The following PINX1 variants were observed in gnomAD, a reference collection of about 807,000 sequenced individuals.
PINX1 encodes the protein PIN2/TERF1-interacting telomerase inhibitor 1.
Under a neutral mutation model 25.4 loss-of-function variants are expected in PINX1, and 34 were observed. The observed-to-expected ratio is 1.34, with a 90% confidence interval of 1.02 to 1.78. PINX1 has a LOEUF of 1.78. Ranked by LOEUF, PINX1 falls within the 40% of genes most tolerant of loss-of-function variation. The pLI, the probability that PINX1 is intolerant of heterozygous loss-of-function variation, is 0.00. For synonymous variants in PINX1, 197 were observed against 147.7 expected (o/e 1.33, Z -2.42); for missense variants, 592 against 404.9 (o/e 1.46, Z -3.97).
At chr8:10,766,963 T>C (rs1193327968) in intron 6 of PINX1, among the ~76,000 whole-genome samples, 1 of 152,112 alleles carries the variant, frequency 6.6e-6, no homozygotes, top group Non-Finnish European at 1.5e-5. Flanking sequence ...AGGAATATGC[T>C]CGGAGTCAAA....
intron 6 of PINX1, among the ~76,000 whole-genome samples, chr8:10,807,744 G>A (rs1027631823): frequency 5.3e-5 from 8 of 152,200 alleles, no homozygotes; most frequent in Admixed American, 4.6e-4. Context: ...ATCTGCCACA[G>A]TATTAATAGA....
chr8:10,811,792 G>C (rs1486466801), intron 6 of PINX1, among the ~76,000 whole-genome samples: 3 of 152,152 alleles, frequency 2.0e-5, no homozygotes, highest in African/African-American at 7.2e-5. Flanking sequence ...AAAGCTTCAA[G>C]AGCAAGTGTT....
chr8:10,837,180 C>A (rs1563242837), intron 1 of PINX1, among the ~76,000 whole-genome samples: 1 of 152,186 alleles, frequency 6.6e-6, no homozygotes, highest in East Asian at 1.9e-4. Flanking sequence ...CTTCTGCGAG[C>A]CAGGAATTTT....
Position 10,811,740 on chromosome 8 carries a change from T to G in PINX1, c.471+8453A>C, listed in dbSNP as rs1168164470. 3.3e-5 allele frequency among the ~76,000 whole-genome samples: 5 copies of G among 152,164 alleles called. No homozygotes were observed. The East Asian group carries it at 9.7e-4, about 29-fold the overall frequency. ...CGGGGGCTTGCCTGGGCACCGGGCC[T>G]CCTCATAGCTTGGGGCTCGGGGCAG... On this transcript the variant is annotated intron_variant, in intron 6 of 6. Transcript: ENST00000314787.
At chr8:10,835,504 C>A (rs1798377539) in intron 1 of PINX1, among the ~76,000 whole-genome samples, 1 of 152,206 alleles carries the variant, frequency 6.6e-6, no homozygotes, top group Non-Finnish European at 1.5e-5. Context: ...CAGATAATAA[C>A]AATCCCATCC....
At chr8:10,805,156 G>C (rs936232687) in intron 6 of PINX1, among the ~76,000 whole-genome samples, 1 of 152,172 alleles carries the variant, frequency 6.6e-6, no homozygotes, top group Admixed American at 6.5e-5. Context: ...CTTTCTGTGG[G>C]AAAGGAAAAT....
chr8:10,807,336 C>A (rs188205891), intron 6 of PINX1, among the ~76,000 whole-genome samples: 7 of 95,384 alleles, frequency 7.3e-5, no homozygotes, highest in African/African-American at 2.4e-4. Context: ...CACCCCCCCC[C>A]CCACCAAAGT....
intron 6 of PINX1, among the ~76,000 whole-genome samples, chr8:10,794,790 C>T (rs1802036134): frequency 6.6e-6 from 1 of 152,150 alleles, no homozygotes; most frequent in African/African-American, 2.4e-5. Context: ...GGGTTTAAAA[C>T]TAAAATCCGA....
At chr8:10,795,201 C>G (rs1472629183) in intron 6 of PINX1, among the ~76,000 whole-genome samples, 3 of 152,142 alleles carry the variant, frequency 2.0e-5, no homozygotes, top group Non-Finnish European at 4.4e-5. Flanking sequence ...CACCAAATCT[C>G]CAGGGCTAAG....
At chr8:10,811,806 G>A (rs889179176) in intron 6 of PINX1, among the ~76,000 whole-genome samples, 4 of 152,164 alleles carry the variant, frequency 2.6e-5, no homozygotes, top group South Asian at 2.1e-4. Flanking sequence ...AAGTGTTCCA[G>A]CCAACGAGGC....
intron 5 of PINX1, among the ~76,000 whole-genome samples, 198 bp downstream of exon 5, chr8:10,825,954 G>C (rs1304737330): frequency 6.6e-6 from 1 of 152,206 alleles, no homozygotes; most frequent in Non-Finnish European, 1.5e-5. Context: ...TCCCATCTCA[G>C]ATCTCCTAGA....
chr8:10,787,983 A>T (rs1402831668), intron 6 of PINX1, among the ~76,000 whole-genome samples: 1 of 152,270 alleles, frequency 6.6e-6, no homozygotes, highest in East Asian at 1.9e-4. Flanking sequence ...CATTGACTGG[A>T]TTTGATGATA....
At chr8:10,780,985 G>C (rs772665976) in intron 6 of PINX1, among the ~76,000 whole-genome samples, 2 of 152,138 alleles carry the variant, frequency 1.3e-5, no homozygotes, top group African/African-American at 2.4e-5. Flanking sequence ...AAACAGTATG[G>C]TACTGGCACA....
intron 6 of PINX1, among the ~76,000 whole-genome samples, chr8:10,772,083 T>C (rs969420375): frequency 1.2e-4 from 18 of 152,350 alleles, no homozygotes; most frequent in African/African-American, 3.8e-4. Flanking sequence ...GTGGGATTAG[T>C]TGAACACAAG....
At chr8:10,804,422 G>C (rs144845561) in intron 6 of PINX1, among the ~76,000 whole-genome samples, 3 of 152,144 alleles carry the variant, frequency 2.0e-5, no homozygotes, top group Admixed American at 2.0e-4. Flanking sequence ...TCCGTACCAG[G>C]AGCCAGCAAG....
rs528272648 is a variant in PINX1 at position 10,820,826 on chromosome 8, G to T, written c.395-557C>A. Among the ~76,000 whole-genome samples, 3 of 152,266 alleles carry T rather than the reference G, an allele frequency of 2.0e-5. No homozygotes were observed. The South Asian group carries it at 6.2e-4, about 32-fold the overall frequency. On this transcript the variant is annotated intron_variant, in intron 5 of 6. Coordinates refer to ENST00000314787, the MANE Select transcript of PINX1 (RefSeq NM_017884.6). ...TATGTAAATCAAAAATACTGTAAAA[G>T]GGTGACAGGGTTTCAGATTTTTCTT...
chr8:10,795,419 A>C (rs1056850398), intron 6 of PINX1, among the ~76,000 whole-genome samples: 1 of 152,156 alleles, frequency 6.6e-6, no homozygotes, highest in Non-Finnish European at 1.5e-5. Flanking sequence ...CCCCCACACC[A>C]AGACGGAGTG....
intron 6 of PINX1, among the ~76,000 whole-genome samples, chr8:10,808,049 C>G (rs1487805344): frequency 2.0e-5 from 3 of 152,122 alleles, no homozygotes; most frequent in Non-Finnish European, 2.9e-5. Flanking sequence ...GCTTTTGTTT[C>G]CCATCAGAAA....
intron 6 of PINX1, among the ~76,000 whole-genome samples, chr8:10,801,957 T>C (rs1330561417): frequency 1.3e-5 from 2 of 152,014 alleles, no homozygotes; most frequent in African/African-American, 4.8e-5. Flanking sequence ...AATGCAGCAA[T>C]CTCACAGTAC....
Sources: allele counts gnomAD v4.1 joint callset (sites outside exome capture counted in the v4.1 genomes callset), GRCh38; gene constraint gnomAD v4.1.1; transcripts MANE v1.5; gene names NCBI Gene and HGNC (gene_info 2026-07-23, HGNC 2026-07-21).